GRIA4: variants seen among roughly 807,000 people sequenced by gnomAD.
The protein encoded by GRIA4 is glutamate ionotropic receptor AMPA type subunit 4.
GRIA4 carries 34 observed loss-of-function variants against 104.0 expected under a neutral mutation model. The ratio of observed to expected loss-of-function variants is 0.33; its 90% CI spans 0.25 to 0.44. GRIA4 has a LOEUF of 0.44. Ranked by LOEUF, GRIA4 falls within the 20% of genes least tolerant of loss-of-function variation. The pLI is 1.00. For synonymous variants in GRIA4, 386 were observed against 381.9 expected, an observed-to-expected ratio of 1.01 and a Z score of -0.13; for missense variants, 750 against 1,096.5, an observed-to-expected ratio of 0.68 and a Z score of 4.46.
chr11:105,921,306 G>GGGGTGTGTGTGT (rs758122574), intron 11 of GRIA4, among the ~76,000 whole-genome samples: 1 of 138,768 alleles, frequency 7.2e-6, no homozygotes, highest in African/African-American at 2.7e-5. Context: ...ACCACACTTG[G>GGGGTGTGTGTGT]GTGTGTGTGT....
intron 14 of GRIA4, among the ~76,000 whole-genome samples, chr11:105,936,280 A>C (rs910175569): frequency 1.3e-5 from 2 of 152,216 alleles, no homozygotes. Flanking sequence ...GTAGAAGCAA[A>C]TTCAAAATAA....
At chr11:105,793,419 G>C (rs1200618453) in intron 4 of GRIA4, among the ~76,000 whole-genome samples, 2 of 152,124 alleles carry the variant, frequency 1.3e-5, no homozygotes, top group African/African-American at 4.8e-5. Flanking sequence ...TCTGTCTTCT[G>C]CTCCATCAGA....
chr11:105,763,994 A>G (rs1940807918), intron 4 of GRIA4, among the ~76,000 whole-genome samples: 1 of 152,250 alleles, frequency 6.6e-6, no homozygotes, highest in African/African-American at 2.4e-5. Flanking sequence ...TTCTATTTGT[A>G]AGAATCTTAA....
intron 4 of GRIA4, among the ~76,000 whole-genome samples, chr11:105,788,455 G>A (rs1195268499): frequency 6.6e-6 from 1 of 152,122 alleles, no homozygotes; most frequent in Non-Finnish European, 1.5e-5. Context: ...GTTTATCATA[G>A]CACTATTCAC....
chr11:105,852,498 T>G (rs2135991184), intron 4 of GRIA4, among the ~76,000 whole-genome samples: 1 of 152,250 alleles, frequency 6.6e-6, no homozygotes, highest in African/African-American at 2.4e-5. Context: ...AGAGTTGAAA[T>G]GAGAAACAGA....
In GRIA4 at chr11:105,979,930, T is replaced by A; in HGVS notation, c.*191T>A. On this transcript the variant is annotated 3_prime_UTR_variant, in exon 17 of 17. Coordinates refer to ENST00000282499, the MANE Select transcript of GRIA4 (RefSeq NM_000829.4). ...ATGAGCTCAGCTCGGAAACCCAAACTCAGATTTTATATCAGGAAAACTCAC... is the reference window on the plus strand; with the variant it reads ...ATGAGCTCAGCTCGGAAACCCAAACACAGATTTTATATCAGGAAAACTCAC... 2 of 460,162 alleles carry A rather than the reference T, an allele frequency of 4.3e-6. No homozygotes were observed. The highest frequency in any genetic ancestry group is 3.9e-6 in the Non-Finnish European group (1 of 254,562). 28.5% of individuals were successfully genotyped at this position (460,162 alleles called of 1,614,324 possible).
intron 4 of GRIA4, among the ~76,000 whole-genome samples, chr11:105,759,357 C>T (rs1273779555): frequency 6.6e-6 from 1 of 152,054 alleles, no homozygotes; most frequent in African/African-American, 2.4e-5. Context: ...AATATAAATT[C>T]GTGATAGCTT....
chr11:105,839,835 T>C (rs1944330825), intron 4 of GRIA4, among the ~76,000 whole-genome samples: 1 of 152,164 alleles, frequency 6.6e-6, no homozygotes, highest in Non-Finnish European at 1.5e-5. Flanking sequence ...TTAATTATAA[T>C]AGCTTTGTTA....
chr11:105,849,063 G>A (rs777503795), intron 4 of GRIA4, among the ~76,000 whole-genome samples: 6 of 152,066 alleles, frequency 3.9e-5, no homozygotes, highest in Non-Finnish European at 7.4e-5. Flanking sequence ...ATTGTGGCAG[G>A]TGCCTGTAAT....
chr11:105,798,487 T>C (rs1377028270), intron 4 of GRIA4, among the ~76,000 whole-genome samples: 1 of 152,078 alleles, frequency 6.6e-6, no homozygotes, highest in Non-Finnish European at 1.5e-5. Context: ...AGGCAGGTAA[T>C]GGATGCTACA....
At chr11:105,908,619 A>AAT (rs1210881281) in intron 9 of GRIA4, among the ~76,000 whole-genome samples, 4 of 151,928 alleles carry the variant, frequency 2.6e-5, no homozygotes, top group Non-Finnish European at 2.9e-5. Flanking sequence ...AAGGCCAAAA[A>AAT]AAAAAATAAA....
chr11:105,729,363 A>C (rs1156702924), intron 3 of GRIA4, among the ~76,000 whole-genome samples: 1 of 152,202 alleles, frequency 6.6e-6, no homozygotes, highest in Admixed American at 6.5e-5. Flanking sequence ...AGTAATTAAT[A>C]GCCTACAAAG....
chr11:105,653,999 CAAAAAAAAAAAA>C, intron 3 of GRIA4, among the ~76,000 whole-genome samples: 35 of 50,286 alleles, frequency 7.0e-4, no homozygotes, highest in Middle Eastern at 0.031. Flanking sequence ...ACTATTTAGC[CAAAAAAAAAAAA>C]AAAAAAAAAA....
chr11:105,776,888 A>G (rs991828878), intron 4 of GRIA4, among the ~76,000 whole-genome samples: 3 of 152,166 alleles, frequency 2.0e-5, no homozygotes, highest in Admixed American at 1.3e-4. Flanking sequence ...CCTAAAAAGT[A>G]TTTCTAATCT....
At chr11:105,718,102 A>G (rs1954164463) in intron 3 of GRIA4, among the ~76,000 whole-genome samples, 1 of 152,150 alleles carries the variant, frequency 6.6e-6, no homozygotes. Context: ...AATTAAAACC[A>G]AAATTATTTA....
intron 3 of GRIA4, among the ~76,000 whole-genome samples, chr11:105,627,197 T>C (rs1221683280): frequency 6.6e-6 from 1 of 152,160 alleles, no homozygotes; most frequent in African/African-American, 2.4e-5. Context: ...AGAAAAATAT[T>C]TCAGGTAGAG....
intron 3 of GRIA4, among the ~76,000 whole-genome samples, chr11:105,641,828 T>A (rs1315742171): frequency 6.6e-6 from 1 of 152,178 alleles, no homozygotes; most frequent in Admixed American, 6.5e-5. Context: ...AGGGCTGTCA[T>A]AACAAAGTAC....
chr11:105,932,288 G>A (rs1037933858), intron 13 of GRIA4, among the ~76,000 whole-genome samples: 6 of 151,934 alleles, frequency 3.9e-5, no homozygotes, highest in South Asian at 2.1e-4. Flanking sequence ...ACAGGCATGC[G>A]CTGCTATGCC....
chr11:105,651,409 T>A (rs1225585207), intron 3 of GRIA4, among the ~76,000 whole-genome samples: 1 of 152,096 alleles, frequency 6.6e-6, no homozygotes, highest in Non-Finnish European at 1.5e-5. Context: ...ATATATCAAC[T>A]CAGAAACTTT....
Sources: allele counts gnomAD v4.1 joint callset (sites outside exome capture counted in the v4.1 genomes callset), GRCh38; gene constraint gnomAD v4.1.1; transcripts MANE v1.5; gene names NCBI Gene and HGNC (gene_info 2026-07-23, HGNC 2026-07-21).